The following EML6 variants were observed in gnomAD, a reference collection of about 807,000 sequenced individuals.
EML6 encodes echinoderm microtubule-associated protein-like 6.
Under a neutral mutation model 240.1 loss-of-function variants are expected in EML6, and 154 were observed. That is an observed-to-expected ratio of 0.64 (90% CI 0.56 to 0.73). The LOEUF (loss-of-function observed/expected upper bound fraction) is 0.73, where lower values mean the gene tolerates loss of function less well. Ranked by LOEUF, EML6 falls within the 30% of genes least tolerant of loss-of-function variation. EML6 has a pLI of 0.00. For synonymous variants in EML6, 1,148 were observed against 899.0 expected, an observed-to-expected ratio of 1.28 and a Z score of -4.95; for missense variants, 2,964 against 2,474.6, an observed-to-expected ratio of 1.20 and a Z score of -4.20.
At chr2:54,959,486 G>A (rs1676395662) in intron 34 of EML6, among the ~76,000 whole-genome samples, 1 of 152,158 alleles carries the variant, frequency 6.6e-6, no homozygotes, top group African/African-American at 2.4e-5. Context: ...CCTGAGAGAG[G>A]CATGGTGGTT....
chr2:54,891,996 A>G (rs549311811), intron 18 of EML6, among the ~76,000 whole-genome samples: 10 of 152,216 alleles, frequency 6.6e-5, no homozygotes, highest in South Asian at 6.2e-4. Context: ...TAACATGCTT[A>G]TATTTTACAT....
intron 34 of EML6, among the ~76,000 whole-genome samples, chr2:54,959,532 T>C (rs1319718708): frequency 8.6e-5 from 13 of 152,024 alleles, no homozygotes; most frequent in Admixed American, 4.6e-4. Flanking sequence ...GAGGCCAAGG[T>C]GGGCAGATCA....
intron 7 of EML6, among the ~76,000 whole-genome samples, chr2:54,841,486 G>C (rs1423138331): frequency 6.6e-6 from 1 of 151,864 alleles, no homozygotes; most frequent in Non-Finnish European, 1.5e-5. Context: ...CGGGACCACA[G>C]TGAAGTGATT....
intron 10 of EML6, among the ~76,000 whole-genome samples, chr2:54,851,801 G>C (rs1371760539): frequency 6.6e-6 from 1 of 152,156 alleles, no homozygotes; most frequent in Non-Finnish European, 1.5e-5. Context: ...GCTTCTGTCA[G>C]TGCCTTGCAC....
intron 2 of EML6, among the ~76,000 whole-genome samples, chr2:54,785,948 T>C (rs551931267): frequency 6.6e-6 from 1 of 151,834 alleles, no homozygotes; most frequent in Middle Eastern, 3.5e-3. Flanking sequence ...TATATATATA[T>C]ATTTGTATGT....
chr2:54,749,365 C>G (rs1684052028), intron 2 of EML6, among the ~76,000 whole-genome samples: 1 of 152,006 alleles, frequency 6.6e-6, no homozygotes, highest in South Asian at 2.1e-4. Context: ...ATATAATAAT[C>G]TTATATTCAA....
At chr2:54,767,032 T>C (rs1268919187) in intron 2 of EML6, among the ~76,000 whole-genome samples, 2 of 152,170 alleles carry the variant, frequency 1.3e-5, no homozygotes, top group African/African-American at 2.4e-5. Context: ...AATAGTTTGC[T>C]TTCACATAAT....
chr2:54,964,118 G>C lies in EML6; in HGVS notation c.5290G>C (p.Gly1764Arg), dbSNP rs575016130. 2 of 1,551,552 alleles carry C rather than the reference G, an allele frequency of 1.3e-6. No homozygotes were observed. Among genetic ancestry groups the C allele is most frequent in the Non-Finnish European group, 8.7e-7 (1 of 1,146,950 alleles). ...ILLVNSLKVW[G>R]KKRDRKSAIQ... ...GTTGGTGAACAGCCTGAAAGTTTGGGGGAAAAAACGAGACCGGAAATCTGC... is the reference window on the plus strand; with the variant it reads ...GTTGGTGAACAGCCTGAAAGTTTGGCGGAAAAAACGAGACCGGAAATCTGC... The change falls in exon 37 of 42, where the codon GGG becomes CGG. Residue 1764 changes from glycine to arginine, a missense_variant. Gly to Arg is a moderately radical substitution (Grantham distance 125). Coordinates refer to ENST00000356458, the MANE Select transcript of EML6 (RefSeq NM_001039753.4).
intron 2 of EML6, among the ~76,000 whole-genome samples, chr2:54,734,609 A>G (rs1683313743): frequency 6.6e-6 from 1 of 152,106 alleles, no homozygotes; most frequent in African/African-American, 2.4e-5. Flanking sequence ...GCTTGATGGT[A>G]CTCACAGGAG....
intron 28 of EML6, among the ~76,000 whole-genome samples, chr2:54,939,013 T>G (rs1006709365): frequency 6.6e-6 from 1 of 152,222 alleles, no homozygotes; most frequent in African/African-American, 2.4e-5. Flanking sequence ...AATTTCTGTT[T>G]TATACACTGC....
intron 14 of EML6, chr2:54,868,028 G>A (rs1671062233): frequency 1.3e-5 from 2 of 152,144 alleles, no homozygotes; most frequent in South Asian, 4.1e-4. Context: ...GAAAAAAGAT[G>A]TTCTGCATGT....
At chr2:54,959,339 G>A in intron 34 of EML6, 78 bp downstream of exon 34, 1 of 1,364,902 alleles carries the variant, frequency 7.3e-7, no homozygotes, top group Non-Finnish European at 9.8e-7. Context: ...TTCCCAACTT[G>A]GAGAAAATGC....
chr2:54,738,005 A>T (rs984761277), intron 2 of EML6, among the ~76,000 whole-genome samples: 2 of 152,130 alleles, frequency 1.3e-5, no homozygotes, highest in Non-Finnish European at 2.9e-5. Context: ...AGACATTCAC[A>T]TGACATTACT....
chr2:54,796,135 C>T (rs1195121204), intron 2 of EML6, among the ~76,000 whole-genome samples: 4 of 152,114 alleles, frequency 2.6e-5, no homozygotes, highest in Non-Finnish European at 4.4e-5. Flanking sequence ...GATACAAAAT[C>T]CGTCTAATAG....
chr2:54,940,783 C>T lies in EML6; in HGVS notation c.4005-8099C>T, dbSNP rs1675390025. Among the ~76,000 whole-genome samples the T allele has an allele frequency of 2.0e-5, 3 of 152,172 alleles. No individual in the cohort carries two copies. In the South Asian group the frequency reaches 6.2e-4, roughly 32 times the overall value. On this transcript the variant is annotated intron_variant, in intron 28 of 41. Coordinates refer to ENST00000356458, the MANE Select transcript of EML6 (RefSeq NM_001039753.4). ...TGCCCCAGTTGGCCCTGGGACTGCA[C>T]TTGGCAAAATGACTTTTTGATCTTT... is the stretch of plus-strand genomic sequence containing the variant.
intron 2 of EML6, among the ~76,000 whole-genome samples, chr2:54,789,246 G>A (rs1000257760): frequency 6.6e-5 from 10 of 152,034 alleles, no homozygotes; most frequent in Non-Finnish European, 1.3e-4. Flanking sequence ...GGGCGCGGTG[G>A]CTCACGCTTG....
intron 17 of EML6, among the ~76,000 whole-genome samples, chr2:54,889,610 T>C (rs1237621073): frequency 2.0e-5 from 3 of 152,056 alleles, no homozygotes; most frequent in South Asian, 2.1e-4. Flanking sequence ...TATACAAAGG[T>C]TATTGATTTG....
At chr2:54,941,311 C>A (rs1245502231) in intron 28 of EML6, among the ~76,000 whole-genome samples, 1 of 152,132 alleles carries the variant, frequency 6.6e-6, no homozygotes, top group South Asian at 2.1e-4. Context: ...GAAGCTGCCC[C>A]CAGTTTTTTT....
chr2:54,730,139 GA>G (rs1304653594), intron 2 of EML6, among the ~76,000 whole-genome samples: 3 of 141,008 alleles, frequency 2.1e-5, no homozygotes, highest in Admixed American at 2.1e-4. Flanking sequence ...CCTGTCTCAA[GA>G]AAAAAAAAAG....
Sources: gnomAD v4.1 joint callset for allele counts (sites outside exome capture counted in the v4.1 genomes callset) on GRCh38, gnomAD v4.1.1 for gene constraint, MANE v1.5 for transcripts, NCBI Gene and HGNC (gene_info 2026-07-23, HGNC 2026-07-21) for gene names.